OR2J3: variants seen among roughly 807,000 people sequenced by gnomAD.
The protein encoded by OR2J3 is olfactory receptor family 2 subfamily J member 3.
OR2J3 carries 13 observed loss-of-function variants against 18.5 expected under a neutral mutation model. The observed-to-expected ratio is 0.70, with a 90% CI of 0.46 to 1.12. OR2J3 has a LOEUF of 1.12. Ranked by LOEUF, OR2J3 falls within the 50% of genes most tolerant of loss-of-function variation. The pLI, the probability that OR2J3 is intolerant of heterozygous loss-of-function variation, is 0.00. For missense variants in OR2J3, 321 were observed against 371.6 expected, an observed-to-expected ratio of 0.86 and a Z score of 1.12; for synonymous variants, 142 against 140.6, an observed-to-expected ratio of 1.01 and a Z score of -0.07.
intron 3 of OR2J3, among the ~76,000 whole-genome samples, chr6:29,111,155 A>T (rs947948547): frequency 6.6e-6 from 1 of 152,146 alleles, no homozygotes; most frequent in African/African-American, 2.4e-5. Flanking sequence ...TTGTACACTG[A>T]GAAATCACAT....
rs1377113322 is a variant in OR2J3 at position 29,108,528 on chromosome 6, T to G, written c.-180-9T>G. 6.6e-6 allele frequency: 1 copy of G among 152,128 alleles called. No homozygotes were observed. Among genetic ancestry groups the G allele is most frequent in the Non-Finnish European group, 1.5e-5 (1 of 68,026 alleles). 9.4% of individuals were successfully genotyped at this position (152,128 alleles called of 1,614,324 possible). On this transcript the variant is annotated splice_polypyrimidine_tract_variant and intron_variant, in intron 1 of 3. Transcript: ENST00000641151. ...TTTTTGATAATTTCTTTCTTTTTAT[T>G]TTTTGTAGAGACATGGTCTCACTTC...
At position 29,111,911 on chromosome 6, in the gene OR2J3, C is replaced by T. The variant is rs539801515; in HGVS notation, c.21C>T (p.Val7=). The T allele has an allele frequency of 1.2e-6, 2 of 1,611,616 alleles. No individual in the cohort carries two copies. The highest frequency in any genetic ancestry group is 1.7e-6 in the Non-Finnish European group (2 of 1,178,998). MNDDGK[V]NASSEGYFIL... is the part of the protein sequence containing the mutation. ...AGGAAATGAATGATGATGGAAAAGT[C>T]AATGCTAGCTCTGAGGGGTACTTTA... Residue 7 remains valine, a synonymous_variant, in exon 4 of 4, where the codon GTC becomes GTT. Coordinates refer to ENST00000641151, the MANE Select transcript of OR2J3 (RefSeq NM_001005216.4).
In OR2J3 at chr6:29,114,159, C is replaced by T. The variant is rs1473251550; in HGVS notation, c.*1333C>T. On this transcript the variant is annotated 3_prime_UTR_variant, in exon 4 of 4. Transcript: ENST00000641151. ...ATTGCATTGATTCTGCTGACTTTAT[C>T]TTCCTTCTGCATCTCTGACTCTTCC... The T allele has an allele frequency of 1.3e-5, 2 of 152,094 alleles. No individual in the cohort carries two copies. Among genetic ancestry groups the T allele is most frequent in the Non-Finnish European group, 2.9e-5 (2 of 68,006 alleles). The allele number at this position is 152,094 out of a possible 1,614,324, so 9.4% of individuals were successfully genotyped here. A position where few individuals can be genotyped will look rare whatever the true frequency, so the allele number is the denominator to read the frequency against.
In OR2J3 at chr6:29,114,032, C is replaced by T. The variant is rs2150954340; in HGVS notation, c.*1206C>T. ...AAATGTCAGCTGTAGCTTTTGAGGC[C>T]TGTGAGATTTAGATATGATTGATTC... On this transcript the variant is annotated 3_prime_UTR_variant, in exon 4 of 4. Coordinates refer to ENST00000641151, the MANE Select transcript of OR2J3 (RefSeq NM_001005216.4). The T allele has an allele frequency of 6.6e-6, 1 of 152,236 alleles. No homozygotes were observed. Among genetic ancestry groups the T allele is most frequent in the Admixed American group, 6.5e-5 (1 of 15,286 alleles). The allele number at this position is 152,236 out of a possible 1,614,324, so 9.4% of individuals were successfully genotyped here.
intron 3 of OR2J3, among the ~76,000 whole-genome samples, chr6:29,109,095 T>A (rs1005328216): frequency 2.0e-5 from 3 of 152,230 alleles, no homozygotes; most frequent in Non-Finnish European, 4.4e-5. Context: ...TCTCATGATG[T>A]ATTATCTCCT....
In OR2J3 at chr6:29,112,264, G is replaced by T. The variant is rs201413360; in HGVS notation, c.374G>T (p.Arg125Leu). 6.2e-7 allele frequency: 1 copy of T among 1,613,980 alleles called. No individual in the cohort carries two copies. The highest frequency in any genetic ancestry group is 8.5e-7 in the Non-Finnish European group (1 of 1,180,040). ...CVLLVVMSYD[R>L]YAAVCRPLHY... ...CTACTGGTGGTGATGTCCTATGACC[G>T]TTATGCAGCTGTGTGTAGACCTTTG... The change falls in exon 4 of 4, where the codon CGT (arginine) becomes CTT (leucine). Residue 125 changes from arginine (R) to leucine (L), a missense_variant. Arg to Leu is a moderately radical substitution (Grantham distance 102). Transcript: ENST00000641151.
In OR2J3 at chr6:29,108,225, A is replaced by C. The variant is rs542169614; in HGVS notation, c.-251A>C. On this transcript the variant is annotated 5_prime_UTR_variant, in exon 1 of 4. Transcript: ENST00000641151. ...TGAGGGCATCAGCTAGGAAGACAAT[A>C]TACAGGGAATGTGGACAGATACAGG... 214 of 152,358 alleles carry C rather than the reference A, an allele frequency of 1.4e-3. 4 individuals are homozygous for C. In the South Asian group the frequency reaches 0.034, roughly 24 times the overall value. The allele number at this position is 152,358 out of a possible 1,614,324, so 9.4% of individuals were successfully genotyped here.
At position 29,113,732 on chromosome 6, in the gene OR2J3, C is replaced by T. The variant is rs1360824992; in HGVS notation, c.*906C>T. 1 of 151,882 alleles carries T rather than the reference C, an allele frequency of 6.6e-6. No individual in the cohort carries two copies. The highest frequency in any genetic ancestry group is 1.5e-5 in the Non-Finnish European group (1 of 67,940). 9.4% of individuals were successfully genotyped at this position (151,882 alleles called of 1,614,324 possible). A position where few individuals can be genotyped will look rare whatever the true frequency, so the allele number is the denominator to read the frequency against. ...GAAACTGTCATATGGAAAATGATAG[C>T]TTATTTTTATTTTAAAGCTTGATCT... is the stretch of plus-strand genomic sequence containing the variant. On this transcript the variant is annotated 3_prime_UTR_variant, in exon 4 of 4. Transcript: ENST00000641151.
chr6:29,108,468 A>T (rs1762004827), intron 1 of OR2J3, 69 bp from the exon 2 acceptor site: 1 of 152,182 alleles, frequency 6.6e-6, no homozygotes, highest in African/African-American at 2.4e-5. Flanking sequence ...GTGGGTACAC[A>T]ATAGGTGTAT....
chr6:29,111,702 A>G, intron 3 of OR2J3, 179 bp from the exon 4 acceptor site: 1 of 572,218 alleles, frequency 1.7e-6, no homozygotes, highest in Non-Finnish European at 3.0e-6. Flanking sequence ...TTTTTATATC[A>G]GTATGAGCTT....
rs748229667 is a variant in OR2J3, at chr6:29,112,381, C to T, written c.491C>T (p.Ser164Phe). The T allele has an allele frequency of 2.5e-6, 4 of 1,614,124 alleles. No homozygotes were observed. Among genetic ancestry groups the T allele is most frequent in the Middle Eastern group, 1.6e-4 (1 of 6,062 alleles). Residue 164 changes from serine to phenylalanine, a missense_variant, in exon 4 of 4, where the codon TCC becomes TTC. Transcript: ENST00000641151. ...SGFTNSALHSSFTFWVPLCGH... is the reference protein window; with the variant it reads ...SGFTNSALHSFFTFWVPLCGH... ...TTTACCAACTCAGCACTTCATTCCT[C>T]CTTCACCTTCTGGGTACCTCTGTGT...
chr6:29,112,432 TC>T lies in OR2J3; in HGVS notation c.543del (p.Cys182ValfsTer19). On this transcript the variant is annotated frameshift_variant, in exon 4 of 4. Transcript: ENST00000641151. LOFTEE classifies it high-confidence loss of function. ...GGACACCGCCAAGTAGATCACTTTTTCTGTGAAGTTCCAGCACTTCTGCGAT... is the reference window on the plus strand; with the variant it reads ...GGACACCGCCAAGTAGATCACTTTTTTGTGAAGTTCCAGCACTTCTGCGAT... ...LCGHRQVDHF[F>X]CEVPALLRLS... 1 of 1,614,158 alleles carries T rather than the reference TC, an allele frequency of 6.2e-7. No homozygotes were observed. Among genetic ancestry groups the T allele is most frequent in the Non-Finnish European group, 8.5e-7 (1 of 1,180,022 alleles).
In OR2J3 at chr6:29,112,053, G is replaced by A; in HGVS notation, c.163G>A (p.Asp55Asn). ...NLFIIILSYL[D>N]SHLHTPMYFF... Reference sequence around the variant, plus strand: ...GTTCATCATCATCCTGTCATACCTGGACTCCCATCTGCACACACCAATGTA... The same window carrying A: ...GTTCATCATCATCCTGTCATACCTGAACTCCCATCTGCACACACCAATGTA... The change falls in exon 4 of 4, where the codon GAC (aspartate) becomes AAC (asparagine). Residue 55 changes from aspartate to asparagine, a missense_variant. By Grantham distance (23) the Asp-to-Asn change is conservative. Coordinates refer to ENST00000641151, the MANE Select transcript of OR2J3 (RefSeq NM_001005216.4). 1 of 1,613,874 alleles carries A rather than the reference G, an allele frequency of 6.2e-7. No individual in the cohort carries two copies. The highest frequency in any genetic ancestry group is 8.5e-7 in the Non-Finnish European group (1 of 1,179,986).
At chr6:29,111,816 TGCTGA>T in intron 3 of OR2J3, 60 bp from the exon 4 acceptor site, 4 of 1,452,648 alleles carry the variant, frequency 2.8e-6, no homozygotes, top group Non-Finnish European at 3.7e-6. Context: ...TATTCATGTG[TGCTGA>T]TATTTTTGGA....
rs1411340224 is a variant in OR2J3 at position 29,108,075 on chromosome 6, C to G, written c.-401C>G. The G allele has an allele frequency of 6.6e-6, 1 of 152,090 alleles. No individual in the cohort carries two copies. Among genetic ancestry groups the G allele is most frequent in the Non-Finnish European group, 1.5e-5 (1 of 68,024 alleles). 9.4% of individuals were successfully genotyped at this position (152,090 alleles called of 1,614,324 possible). ...AGACTCAGAGCTTTCTCTTCTGTAG[C>G]AATGATAGTCATAGCTACATTCAGA... On this transcript the variant is annotated 5_prime_UTR_variant, in exon 1 of 4. Coordinates refer to ENST00000641151, the MANE Select transcript of OR2J3 (RefSeq NM_001005216.4).
At chr6:29,110,019 G>A (rs1762067648) in intron 3 of OR2J3, among the ~76,000 whole-genome samples, 1 of 152,084 alleles carries the variant, frequency 6.6e-6, no homozygotes, top group African/African-American at 2.4e-5. Context: ...CGCTGTGATA[G>A]ACACACCTGC....
rs1762172384 is a variant in OR2J3 at position 29,112,399 on chromosome 6, C to CT, written c.510dup (p.Leu171SerfsTer13). On this transcript the variant is annotated frameshift_variant, in exon 4 of 4. Transcript: ENST00000641151. LOFTEE classifies it high-confidence loss of function. ...CATTCCTCCTTCACCTTCTGGGTAC[C>CT]TCTGTGTGGACACCGCCAAGTAGAT... The CT allele has an allele frequency of 6.2e-7, 1 of 1,613,982 alleles. No homozygotes were observed. The highest frequency in any genetic ancestry group is 1.3e-5 in the African/African-American group (1 of 74,886).
In OR2J3 at chr6:29,112,918, T is replaced by G. The variant is rs3116839; in HGVS notation, c.*92T>G. ...ATTTATCAACCATTCTTTTATTCACTCACTCTGTTAGCACTTGCTGAGCAT... is the reference window on the plus strand; with the variant it reads ...ATTTATCAACCATTCTTTTATTCACGCACTCTGTTAGCACTTGCTGAGCAT... On this transcript the variant is annotated 3_prime_UTR_variant, in exon 4 of 4. Coordinates refer to ENST00000641151, the MANE Select transcript of OR2J3 (RefSeq NM_001005216.4). The G allele has an allele frequency of 2.1e-3, 3,063 of 1,431,510 alleles. 6 individuals are homozygous for G. Among genetic ancestry groups the G allele is most frequent in the Non-Finnish European group, 2.5e-3 (2,748 of 1,081,268 alleles). The allele number at this position is 1,431,510 out of a possible 1,614,324, so 88.7% of individuals were successfully genotyped here.
rs1465537639 is a variant in OR2J3 at position 29,108,894 on chromosome 6, G to T, written c.-11+19G>T. The T allele has an allele frequency of 6.6e-6, 1 of 152,054 alleles. No individual in the cohort carries two copies. Among genetic ancestry groups the T allele is most frequent in the Non-Finnish European group, 1.5e-5 (1 of 68,000 alleles). The allele number at this position is 152,054 out of a possible 1,614,324, so 9.4% of individuals were successfully genotyped here. A position where few individuals can be genotyped will look rare whatever the true frequency, so the allele number is the denominator to read the frequency against. ...GCATCTGGTAAGTTTTTGTTTGTTTGCTTCTTATCTCATATCTCATTCTAA... is the reference window on the plus strand; with the variant it reads ...GCATCTGGTAAGTTTTTGTTTGTTTTCTTCTTATCTCATATCTCATTCTAA... On this transcript the variant is annotated intron_variant, in intron 3 of 3. Coordinates refer to ENST00000641151, the MANE Select transcript of OR2J3 (RefSeq NM_001005216.4).
Sources: gnomAD v4.1 joint callset for allele counts (sites outside exome capture counted in the v4.1 genomes callset) on GRCh38, gnomAD v4.1.1 for gene constraint, MANE v1.5 for transcripts, NCBI Gene and HGNC (gene_info 2026-07-23, HGNC 2026-07-21) for gene names.